The following SGK3 variants were observed in gnomAD, a reference collection of about 807,000 sequenced individuals.
SGK3 encodes serine/threonine-protein kinase Sgk3.
In SGK3, 47 loss-of-function variants were observed where a neutral mutation model predicts 68.5. The ratio of observed to expected loss-of-function variants is 0.69; its 90% confidence interval spans 0.54 to 0.87. The LOEUF is 0.87. Ranked by LOEUF, SGK3 falls within the 40% of genes least tolerant of loss-of-function variation. The pLI is 0.00. For synonymous variants in SGK3, 181 were observed against 189.1 expected, an observed-to-expected ratio of 0.96 and a Z score of 0.35; for missense variants, 479 against 575.5, an observed-to-expected ratio of 0.83 and a Z score of 1.72.
chr8:66,767,888 G>A (rs1197027221), intron 1 of SGK3: 1 of 1,254,516 alleles, frequency 8.0e-7, no homozygotes, highest in East Asian at 2.3e-5. Context: ...ATTGAAACTT[G>A]AGATCTCCCA....
At chr8:66,730,967 G>A (rs565495205) in intron 1 of SGK3, among the ~76,000 whole-genome samples, 16 of 152,166 alleles carry the variant, frequency 1.1e-4, no homozygotes, top group Admixed American at 1.3e-4. Flanking sequence ...GGTTACAGGC[G>A]TGAGCCACCA....
At chr8:66,837,986 A>G (rs928814597) in intron 10 of SGK3, among the ~76,000 whole-genome samples, 5 of 152,232 alleles carry the variant, frequency 3.3e-5, no homozygotes, top group African/African-American at 1.2e-4. Context: ...GCATTATGTC[A>G]GTAAATCACA....
intron 1 of SGK3, among the ~76,000 whole-genome samples, chr8:66,791,525 T>C (rs1303933650): frequency 6.6e-6 from 1 of 152,216 alleles, no homozygotes; most frequent in Non-Finnish European, 1.5e-5. Flanking sequence ...AGACAAGTTG[T>C]CCTGCCTACC....
At chr8:66,778,548 G>A (rs1190877092) in intron 1 of SGK3, among the ~76,000 whole-genome samples, 16 of 152,200 alleles carry the variant, frequency 1.1e-4, no homozygotes, top group Admixed American at 7.9e-4. Context: ...GCCCGCCTCG[G>A]CCTCCCCAAG....
At chr8:66,789,543 T>TTGGACCCAC (rs1468092939) in intron 1 of SGK3, among the ~76,000 whole-genome samples, 2 of 152,218 alleles carry the variant, frequency 1.3e-5, no homozygotes, top group Admixed American at 6.5e-5. Flanking sequence ...TATGGTCCTA[T>TTGGACCCAC]TGGACCCACT....
At chr8:66,852,387 T>C (rs1810331040) in intron 16 of SGK3, among the ~76,000 whole-genome samples, 1 of 150,674 alleles carries the variant, frequency 6.6e-6, no homozygotes, top group Non-Finnish European at 1.5e-5. Flanking sequence ...GTTCAGGAGA[T>C]TCTCCTACCT....
Position 66,749,956 on chromosome 8 carries a change from TGTGTG to T in SGK3, c.-122+37124_-122+37128del, listed in dbSNP as rs1805764811. On this transcript the variant is annotated intron_variant, in intron 1 of 16. Transcript: ENST00000521198. ...GGGTGTGTGTGTGTGTGTGTGTGTG[TGTGTG>T]TGTGTATGTGTGTAAATCTCTAAAT... Among the ~76,000 whole-genome samples, 15 of 151,442 alleles carry T rather than the reference TGTGTG, an allele frequency of 9.9e-5. No individual in the cohort carries two copies. The South Asian group carries it at 3.1e-3, about 31-fold the overall frequency.
At chr8:66,788,274 G>A (rs1395990852) in intron 1 of SGK3, among the ~76,000 whole-genome samples, 1 of 152,210 alleles carries the variant, frequency 6.6e-6, no homozygotes, top group Non-Finnish European at 1.5e-5. Flanking sequence ...TACATGTCCA[G>A]TTTTATGATT....
chr8:66,715,315 TG>T (rs1169281761), intron 1 of SGK3, among the ~76,000 whole-genome samples: 1 of 152,196 alleles, frequency 6.6e-6, no homozygotes, highest in East Asian at 1.9e-4. Context: ...TGGAGTGCAA[TG>T]GCGCAGCCTA....
intron 1 of SGK3, among the ~76,000 whole-genome samples, chr8:66,736,684 A>G (rs1376151367): frequency 6.6e-6 from 1 of 151,540 alleles, no homozygotes; most frequent in African/African-American, 2.4e-5. Context: ...CAATGGCGCA[A>G]TCTCAGCTCA....
chr8:66,776,633 AAAATC>A (rs1290640789), intron 1 of SGK3, among the ~76,000 whole-genome samples: 2 of 152,266 alleles, frequency 1.3e-5, no homozygotes, highest in African/African-American at 4.8e-5. Flanking sequence ...AACAAAGTAT[AAAATC>A]AAATGATGAT....
intron 1 of SGK3, among the ~76,000 whole-genome samples, chr8:66,762,557 TA>T (rs1308776627): frequency 3.9e-5 from 6 of 152,022 alleles, no homozygotes; most frequent in Middle Eastern, 3.4e-3. Flanking sequence ...TCATCACACT[TA>T]AAAAAAACCC....
At chr8:66,775,983 T>G (rs1460187616) in intron 1 of SGK3, among the ~76,000 whole-genome samples, 2 of 152,156 alleles carry the variant, frequency 1.3e-5, no homozygotes, top group Admixed American at 1.3e-4. Flanking sequence ...TTTTGAAGAT[T>G]AAATGAGTTA....
intron 1 of SGK3, among the ~76,000 whole-genome samples, chr8:66,780,266 G>A (rs1204250340): frequency 2.0e-5 from 3 of 152,082 alleles, no homozygotes; most frequent in Non-Finnish European, 4.4e-5. Context: ...GCACACTTTG[G>A]CAAGTTGGAA....
At chr8:66,823,430 G>A (rs1235962850) in intron 6 of SGK3, among the ~76,000 whole-genome samples, 3 of 146,626 alleles carry the variant, frequency 2.0e-5, no homozygotes, top group East Asian at 2.0e-4. Context: ...ATGGAGTCTC[G>A]CACTGTTGCC....
chr8:66,804,376 TA>T lies in SGK3; in HGVS notation c.189del (p.Lys63AsnfsTer8). 2.5e-6 allele frequency: 4 copies of T among 1,606,510 alleles called. No homozygotes were observed. The highest frequency in any genetic ancestry group is 3.4e-6 in the Non-Finnish European group (4 of 1,178,042). On this transcript the variant is annotated frameshift_variant and splice_region_variant, in exon 4 of 17. Coordinates refer to ENST00000521198, the MANE Select transcript of SGK3 (RefSeq NM_001033578.3). LOFTEE classifies it high-confidence loss of function. ...TAATGTTATTTTTAAAAATTTTAGT[TA>T]AAAAAACAGTTTCCTGCTATGGCCC... ...YAEFDKLYNT[L>X]KKQFPAMALK...
intron 8 of SGK3, 131 bp downstream of exon 8, chr8:66,831,442 C>A: frequency 1.9e-6 from 2 of 1,068,004 alleles, no homozygotes; most frequent in Non-Finnish European, 2.8e-6. Context: ...TGGGCTCAAG[C>A]CATCCTCCCA....
intron 1 of SGK3, among the ~76,000 whole-genome samples, chr8:66,764,722 A>G (rs1405244522): frequency 6.6e-6 from 1 of 152,172 alleles, no homozygotes; most frequent in Non-Finnish European, 1.5e-5. Flanking sequence ...CTTGGCAACT[A>G]CCAATCTGTT....
rs763723920 is a variant in SGK3 at position 66,840,110 on chromosome 8, A to G, written c.849A>G (p.Val283=). 5 of 1,613,002 alleles carry G rather than the reference A, an allele frequency of 3.1e-6. No individual in the cohort carries two copies. The highest frequency in any genetic ancestry group is 4.2e-6 in the Non-Finnish European group (5 of 1,179,630). ...GTTACTTACATTCCATCAAAATAGT[A>G]TACAGGTACAATTTTAAAATATACT... ...ALGYLHSIKI[V]YRDLKPENIL... is the part of the protein sequence containing the mutation. The change falls in exon 11 of 17, where the codon GTA becomes GTG. Residue 283 remains valine (V), a synonymous_variant. Transcript: ENST00000521198.
Sources: allele counts gnomAD v4.1 joint callset (sites outside exome capture counted in the v4.1 genomes callset), GRCh38; gene constraint gnomAD v4.1.1; transcripts MANE v1.5; gene names NCBI Gene and HGNC (gene_info 2026-07-23, HGNC 2026-07-21).